COG5: variants seen among roughly 807,000 people sequenced by gnomAD.
The protein encoded by COG5 is conserved oligomeric Golgi complex subunit 5.
Under a neutral mutation model 110.4 loss-of-function variants are expected in COG5, and 86 were observed. The ratio of observed to expected loss-of-function variants is 0.78; its 90% CI spans 0.65 to 0.93. COG5 has a LOEUF of 0.93. Ranked by LOEUF, COG5 falls within the 40% of genes least tolerant of loss-of-function variation. COG5 has a pLI of 0.00. For synonymous variants in COG5, 360 were observed against 334.6 expected, an observed-to-expected ratio of 1.08 and a Z score of -0.83; for missense variants, 1,077 against 987.0, an observed-to-expected ratio of 1.09 and a Z score of -1.22.
At chr7:107,307,068 C>A (rs969012289) in intron 11 of COG5, among the ~76,000 whole-genome samples, 1 of 152,204 alleles carries the variant, frequency 6.6e-6, no homozygotes, top group Non-Finnish European at 1.5e-5. Context: ...CGCCTTAACT[C>A]TATAAACTAT....
intron 8 of COG5, among the ~76,000 whole-genome samples, chr7:107,364,072 T>C (rs1813377114): frequency 6.6e-6 from 1 of 152,200 alleles, no homozygotes. Context: ...CACTCTGGCA[T>C]ATGCCAATTT....
At chr7:107,432,178 T>A (rs1489951415) in intron 6 of COG5, among the ~76,000 whole-genome samples, 1 of 152,204 alleles carries the variant, frequency 6.6e-6, no homozygotes, top group Non-Finnish European at 1.5e-5. Flanking sequence ...TGTGTTTGAA[T>A]GCTTTGGCAT....
At chr7:107,271,219 C>T (rs368608662) in intron 14 of COG5, among the ~76,000 whole-genome samples, 1 of 152,032 alleles carries the variant, frequency 6.6e-6, no homozygotes, top group Admixed American at 6.6e-5. Flanking sequence ...TGCATCTAGC[C>T]TGGGCAACAC....
rs12536603 is a variant in COG5 at position 107,362,128 on chromosome 7, T to C, written c.949-18A>G. ...TGTTGTACCTTAAATGAAACAAATG[T>C]AAAGCTTAGGCAATAGAAAAAGCAA... is the stretch of plus-strand genomic sequence containing the variant. On this transcript the variant is annotated intron_variant, in intron 9 of 21. Transcript: ENST00000297135. 0.2 allele frequency: 322,054 copies of C among 1,573,810 alleles called. 34,543 individuals carry two copies. Among genetic ancestry groups the C allele is most frequent in the Non-Finnish European group, 0.22 (255,006 of 1,147,158 alleles).
chr7:107,390,204 G>C (rs940935007), intron 7 of COG5, among the ~76,000 whole-genome samples: 2 of 152,138 alleles, frequency 1.3e-5, no homozygotes, highest in African/African-American at 4.8e-5. Flanking sequence ...AAGATTCAGA[G>C]TTACGCTTAT....
intron 6 of COG5, among the ~76,000 whole-genome samples, chr7:107,517,701 C>CTT (rs1300279189): frequency 3.5e-5 from 5 of 142,896 alleles, no homozygotes; most frequent in Non-Finnish European, 3.1e-5. Context: ...TTCAACATTC[C>CTT]TTTTTTTTTT....
At chr7:107,243,320 T>C (rs998531007) in intron 17 of COG5, among the ~76,000 whole-genome samples, 13 of 151,804 alleles carry the variant, frequency 8.6e-5, no homozygotes, top group African/African-American at 3.1e-4. Flanking sequence ...GAGACCCTCC[T>C]GGCTAACACG....
Position 107,554,178 on chromosome 7 carries a change from T to C in COG5, c.292+107A>G, listed in dbSNP as rs180902693. The C allele has an allele frequency of 9.8e-5, 88 of 895,790 alleles. No individual in the cohort carries two copies. The East Asian group carries it at 2.1e-3, about 21-fold the overall frequency. 55.5% of individuals were successfully genotyped at this position (895,790 alleles called of 1,614,324 possible). A position where few individuals can be genotyped will look rare whatever the true frequency, so the allele number is the denominator to read the frequency against. ...AGAGTTTAGTAGTTGCAACAGAGACTGTATGGCTGGCAAAGTCTAAAATAC... is the reference window on the plus strand; with the variant it reads ...AGAGTTTAGTAGTTGCAACAGAGACCGTATGGCTGGCAAAGTCTAAAATAC... On this transcript the variant is annotated intron_variant, in intron 3 of 21. Transcript: ENST00000297135.
intron 6 of COG5, among the ~76,000 whole-genome samples, chr7:107,413,839 AT>A (rs144373831): frequency 0.012 from 1,802 of 152,296 alleles, 26 homozygotes; most frequent in Non-Finnish European, 0.015. Flanking sequence ...TGCATCTGTT[AT>A]TTGTAATTTT....
intron 6 of COG5, among the ~76,000 whole-genome samples, chr7:107,456,914 C>G (rs1166108394): frequency 6.6e-6 from 1 of 152,168 alleles, no homozygotes; most frequent in Non-Finnish European, 1.5e-5. Flanking sequence ...AATAAATGTT[C>G]CTCTGAAGCT....
intron 11 of COG5, among the ~76,000 whole-genome samples, chr7:107,311,259 T>TA (rs1266371213): frequency 6.6e-5 from 10 of 152,014 alleles, no homozygotes; most frequent in African/African-American, 2.4e-4. Flanking sequence ...GGCTTGCCAA[T>TA]AGAGTATGTT....
chr7:107,377,831 G>A (rs1394399837), intron 7 of COG5, among the ~76,000 whole-genome samples: 1 of 152,170 alleles, frequency 6.6e-6, no homozygotes. Context: ...CATCTCCCTG[G>A]GACAGAGCAC....
At chr7:107,351,200 C>A (rs888887436) in intron 10 of COG5, among the ~76,000 whole-genome samples, 24 of 152,082 alleles carry the variant, frequency 1.6e-4, no homozygotes, top group Non-Finnish European at 2.5e-4. Flanking sequence ...CAAAAACAAG[C>A]AATGGGGAAA....
chr7:107,556,675 C>T lies in COG5; in HGVS notation c.234+1301G>A, dbSNP rs190502945. Reference sequence around the variant, plus strand: ...CCATTATTTCTGTCTGTGTCTGCCACTGGTCTGTGGGTCCTTGGAGAGCCA... The same window carrying T: ...CCATTATTTCTGTCTGTGTCTGCCATTGGTCTGTGGGTCCTTGGAGAGCCA... On this transcript the variant is annotated intron_variant, in intron 2 of 21. Coordinates refer to ENST00000297135, the MANE Select transcript of COG5 (RefSeq NM_006348.5). 1.9e-3 allele frequency among the ~76,000 whole-genome samples: 284 copies of T among 152,330 alleles called. 2 individuals are homozygous for T. The highest frequency in any genetic ancestry group is 6.6e-3 in the African/African-American group (275 of 41,558).
intron 4 of COG5, 34 bp downstream of exon 4, chr7:107,548,238 ACATTCC>A (rs1269713315): frequency 1.9e-6 from 3 of 1,603,704 alleles, no homozygotes; most frequent in African/African-American, 1.3e-5. Flanking sequence ...ATGGATAAAA[ACATTCC>A]CATTCCATTT....
intron 2 of COG5, among the ~76,000 whole-genome samples, chr7:107,554,670 C>T (rs929107280): frequency 2.6e-5 from 4 of 152,128 alleles, no homozygotes; most frequent in African/African-American, 9.7e-5. Flanking sequence ...GGAAGTCCAG[C>T]ATCAAGGCAT....
chr7:107,427,433 C>A (rs538170248), intron 6 of COG5, among the ~76,000 whole-genome samples: 1 of 152,146 alleles, frequency 6.6e-6, no homozygotes, highest in Admixed American at 6.5e-5. Flanking sequence ...GAATTAAATA[C>A]ATTTTAGGAC....
chr7:107,275,216 G>T (rs999352393), intron 14 of COG5, among the ~76,000 whole-genome samples: 1 of 151,912 alleles, frequency 6.6e-6, no homozygotes, highest in South Asian at 2.1e-4. Context: ...CACTTTGGGA[G>T]GCCGAGGTGG....
At chr7:107,269,860 G>A (rs1461585242) in intron 14 of COG5, among the ~76,000 whole-genome samples, 1 of 152,190 alleles carries the variant, frequency 6.6e-6, no homozygotes, top group Non-Finnish European at 1.5e-5. Flanking sequence ...AGAGCTGGCA[G>A]GATCTAGGAT....
Sources: allele counts gnomAD v4.1 joint callset (sites outside exome capture counted in the v4.1 genomes callset), GRCh38; gene constraint gnomAD v4.1.1; transcripts MANE v1.5; gene names NCBI Gene and HGNC (gene_info 2026-07-23, HGNC 2026-07-21).